The following MACROD2 variants were observed in gnomAD, a reference collection of about 807,000 sequenced individuals.
MACROD2 encodes the protein ADP-ribose glycohydrolase MACROD2.
In MACROD2, 36 loss-of-function variants were observed where a neutral mutation model predicts 70.4. The observed-to-expected ratio is 0.51, with a 90% CI of 0.39 to 0.68. MACROD2 has a LOEUF of 0.68. Ranked by LOEUF, MACROD2 falls within the 30% of genes least tolerant of loss-of-function variation. The pLI is 0.00. For synonymous variants in MACROD2, 172 were observed against 178.8 expected (o/e 0.96, Z 0.30); for missense variants, 496 against 538.4 (o/e 0.92, Z 0.78).
At chr20:14,954,779 T>TTATAAATA (rs2074510286) in intron 5 of MACROD2, among the ~76,000 whole-genome samples, 1 of 100,478 alleles carries the variant, frequency 1.0e-5, no homozygotes, top group Admixed American at 1.3e-4. Flanking sequence ...ATAACATAAA[T>TTATAAATA]TATAAATATA....
intron 2 of MACROD2, chr20:14,003,503 C>A: frequency 3.7e-6 from 1 of 266,670 alleles, no homozygotes; most frequent in Non-Finnish European, 7.5e-6. Flanking sequence ...GACCTGTCTG[C>A]CCAGTGTCTT....
intron 5 of MACROD2, among the ~76,000 whole-genome samples, chr20:14,695,039 C>CCTCTCT (rs112334570): frequency 2.0e-5 from 3 of 149,958 alleles, no homozygotes; most frequent in Non-Finnish European, 4.5e-5. Context: ...CTGTGGTTTC[C>CCTCTCT]CTCTCTCTCT....
In MACROD2 at chr20:14,974,346, A is replaced by G. The variant is rs935730588; in HGVS notation, c.419-255594A>G. Among the ~76,000 whole-genome samples the G allele has an allele frequency of 3.0e-4, 46 of 152,206 alleles. 2 individuals are homozygous for G. Among genetic ancestry groups the G allele is most frequent in the Non-Finnish European group, 4.4e-5 (3 of 68,038 alleles). ...GGAAAAAGTTTGAATATGGGTCACCATAAAGTTGGTGGTGCTGTCATGAAT... is the reference window on the plus strand; with the variant it reads ...GGAAAAAGTTTGAATATGGGTCACCGTAAAGTTGGTGGTGCTGTCATGAAT... On this transcript the variant is annotated intron_variant, in intron 5 of 17. Transcript: ENST00000684519.
At chr20:15,104,905 A>C (rs2075899443) in intron 5 of MACROD2, among the ~76,000 whole-genome samples, 1 of 152,132 alleles carries the variant, frequency 6.6e-6, no homozygotes, top group Admixed American at 6.5e-5. Flanking sequence ...AGACCATAGT[A>C]TTGTTTTATT....
At chr20:14,153,108 G>T (rs890008060) in intron 3 of MACROD2, among the ~76,000 whole-genome samples, 2 of 152,060 alleles carry the variant, frequency 1.3e-5, no homozygotes, top group African/African-American at 2.4e-5. Context: ...TTATAGTTAC[G>T]AAAACCAAGG....
At chr20:14,262,920 A>G (rs912344842) in intron 3 of MACROD2, among the ~76,000 whole-genome samples, 1 of 152,212 alleles carries the variant, frequency 6.6e-6, no homozygotes, top group Non-Finnish European at 1.5e-5. Context: ...AAAGAGTGAT[A>G]GTAGTTCTAG....
At chr20:15,076,354 AAAC>A (rs2075658098) in intron 5 of MACROD2, among the ~76,000 whole-genome samples, 1 of 152,166 alleles carries the variant, frequency 6.6e-6, no homozygotes, top group Non-Finnish European at 1.5e-5. Context: ...CTTTATAATA[AAAC>A]ATTGTCTGAA....
intron 5 of MACROD2, among the ~76,000 whole-genome samples, chr20:15,096,317 A>G (rs1328724820): frequency 2.0e-5 from 3 of 152,026 alleles, no homozygotes; most frequent in African/African-American, 7.2e-5. Flanking sequence ...ACGTGGCTGC[A>G]TCCCTTTTTC....
intron 3 of MACROD2, among the ~76,000 whole-genome samples, chr20:14,275,066 T>G (rs2082238189): frequency 1.3e-5 from 2 of 152,188 alleles, no homozygotes; most frequent in Admixed American, 1.3e-4. Context: ...AAAGGTAATT[T>G]ATAGATTCAA....
intron 3 of MACROD2, chr20:14,324,412 A>C (rs2122562368): frequency 6.5e-6 from 1 of 152,688 alleles, no homozygotes; most frequent in East Asian, 1.9e-4. Context: ...TATCTGGAAA[A>C]TTGTGACAGT....
At chr20:15,185,927 T>C (rs1437447473) in intron 5 of MACROD2, among the ~76,000 whole-genome samples, 1 of 152,182 alleles carries the variant, frequency 6.6e-6, no homozygotes, top group Admixed American at 6.5e-5. Context: ...CAGTATTATA[T>C]ATCACTCACT....
At chr20:14,040,829 T>G (rs2148639800) in intron 2 of MACROD2, among the ~76,000 whole-genome samples, 1 of 152,330 alleles carries the variant, frequency 6.6e-6, no homozygotes, top group East Asian at 1.9e-4. Flanking sequence ...CTGTTATTAA[T>G]TGAAATGTTG....
chr20:15,476,576 C>T (rs370134532), intron 7 of MACROD2, among the ~76,000 whole-genome samples: 130 of 152,134 alleles, frequency 8.5e-4, no homozygotes, highest in African/African-American at 3.0e-3. Flanking sequence ...TTTTGCCCCC[C>T]CCCGGTAAGT....
intron 8 of MACROD2, among the ~76,000 whole-genome samples, chr20:15,631,241 T>A (rs1305601874): frequency 6.6e-6 from 1 of 152,178 alleles, no homozygotes; most frequent in Non-Finnish European, 1.5e-5. Flanking sequence ...CTTAAATATG[T>A]TCTGATGAGG....
intron 3 of MACROD2, among the ~76,000 whole-genome samples, chr20:14,182,419 C>T (rs2081312017): frequency 6.6e-6 from 1 of 151,546 alleles, no homozygotes; most frequent in Non-Finnish European, 1.5e-5. Flanking sequence ...TTTTTCCATC[C>T]TTTGGGTTGT....
intron 5 of MACROD2, among the ~76,000 whole-genome samples, chr20:15,171,891 G>A (rs1985589741): frequency 6.6e-6 from 1 of 152,230 alleles, no homozygotes; most frequent in Non-Finnish European, 1.5e-5. Flanking sequence ...TTTATCAGCA[G>A]TGTCTACCCA....
At chr20:15,535,843 G>A (rs2047867372) in intron 8 of MACROD2, among the ~76,000 whole-genome samples, 1 of 152,136 alleles carries the variant, frequency 6.6e-6, no homozygotes, top group African/African-American at 2.4e-5. Context: ...CAGAAAAATA[G>A]GAAATCATCC....
intron 3 of MACROD2, among the ~76,000 whole-genome samples, chr20:14,340,056 G>A (rs1380231477): frequency 6.6e-6 from 1 of 152,184 alleles, no homozygotes; most frequent in East Asian, 1.9e-4. Flanking sequence ...AGTTACTTCA[G>A]ATTGCCCTCC....
chr20:15,825,115 T>G (rs1372272831), intron 8 of MACROD2, among the ~76,000 whole-genome samples: 1 of 152,136 alleles, frequency 6.6e-6, no homozygotes, highest in African/African-American at 2.4e-5. Context: ...GAGAAAAACA[T>G]AAGAATAATG....
Sources: allele counts gnomAD v4.1 joint callset (sites outside exome capture counted in the v4.1 genomes callset), GRCh38; gene constraint gnomAD v4.1.1; transcripts MANE v1.5; gene names NCBI Gene and HGNC (gene_info 2026-07-23, HGNC 2026-07-21).